SDHB: variants seen among roughly 807,000 people sequenced by gnomAD.
SDHB encodes the protein succinate dehydrogenase [ubiquinone] iron-sulfur subunit, mitochondrial.
SDHB carries 21 observed loss-of-function variants against 39.7 expected under a neutral mutation model. The observed-to-expected ratio is 0.53, with a 90% confidence interval of 0.37 to 0.76. The LOEUF is 0.76. Ranked by LOEUF, SDHB falls within the 30% of genes least tolerant of loss-of-function variation. SDHB has a pLI of 0.00. For synonymous variants in SDHB, 118 were observed against 117.0 expected (o/e 1.01, Z -0.06); for missense variants, 343 against 350.9 (o/e 0.98, Z 0.18).
chr1:17,040,305 C>A (rs534229267), intron 2 of SDHB, among the ~76,000 whole-genome samples: 5 of 152,240 alleles, frequency 3.3e-5, no homozygotes, highest in African/African-American at 1.2e-4. Flanking sequence ...TTTTATTTAC[C>A]TAGTTGGGGT....
intron 3 of SDHB, 126 bp downstream of exon 3, chr1:17,032,934 T>C (rs953087924): frequency 4.4e-5 from 33 of 755,318 alleles, no homozygotes; most frequent in Admixed American, 1.0e-4. Context: ...AGGAATTAGG[T>C]TGCACAGCAA....
At chr1:17,032,139 T>C (rs2078026865) in intron 3 of SDHB, among the ~76,000 whole-genome samples, 1 of 152,202 alleles carries the variant, frequency 6.6e-6, no homozygotes, top group Admixed American at 6.5e-5. Context: ...TAACTTGTTT[T>C]GCTTAAATTC....
At chr1:17,036,647 C>T (rs949331260) in intron 2 of SDHB, among the ~76,000 whole-genome samples, 11 of 147,280 alleles carry the variant, frequency 7.5e-5, no homozygotes, top group Non-Finnish European at 1.5e-5. Context: ...TACTTACAGG[C>T]TTTTTTCTAG....
chr1:17,043,223 A>T (rs1462622120), intron 2 of SDHB, among the ~76,000 whole-genome samples: 1 of 151,974 alleles, frequency 6.6e-6, no homozygotes, highest in Non-Finnish European at 1.5e-5. Context: ...GGCTTCCCAA[A>T]GTGCTGGGAT....
intron 2 of SDHB, among the ~76,000 whole-genome samples, chr1:17,034,427 G>A (rs532851759): frequency 6.6e-6 from 1 of 152,180 alleles, no homozygotes; most frequent in East Asian, 1.9e-4. Context: ...GGGATTATGG[G>A]TGTGAGGCAA....
At chr1:17,032,754 C>G (rs2078030283) in intron 3 of SDHB, 1 of 435,598 alleles carries the variant, frequency 2.3e-6, no homozygotes, top group Non-Finnish European at 4.3e-6. Context: ...AAGAGCTCAG[C>G]AGCATGGAAG....
intron 1 of SDHB, among the ~76,000 whole-genome samples, chr1:17,045,539 C>T (rs922044928): frequency 6.6e-6 from 1 of 151,980 alleles, no homozygotes; most frequent in Non-Finnish European, 1.5e-5. Context: ...GTTGAGGCTG[C>T]AGTGAGCCAA....
chr1:17,028,821 T>A (rs903709763), intron 3 of SDHB, 85 bp from the exon 4 acceptor site: 2 of 1,538,258 alleles, frequency 1.3e-6, no homozygotes, highest in African/African-American at 2.7e-5. Flanking sequence ...TCCTCCTTGC[T>A]GTGCCATCAG....
At chr1:17,031,107 ACTAGAAAAGAC>A (rs1439957968) in intron 3 of SDHB, among the ~76,000 whole-genome samples, 4 of 151,954 alleles carry the variant, frequency 2.6e-5, no homozygotes, top group Admixed American at 6.6e-5. Context: ...CTTTCATAAG[ACTAGAAAAGAC>A]AGTAAGACTC....
At chr1:17,048,189 A>C (rs911336251) in intron 1 of SDHB, among the ~76,000 whole-genome samples, 3 of 152,130 alleles carry the variant, frequency 2.0e-5, no homozygotes, top group Non-Finnish European at 4.4e-5. Context: ...TCTGTTCTCT[A>C]CTTCTCAAAT....
intron 1 of SDHB, among the ~76,000 whole-genome samples, chr1:17,049,177 G>C (rs568057543): frequency 1.3e-5 from 2 of 152,244 alleles, no homozygotes; most frequent in African/African-American, 4.8e-5. Context: ...TTTTTGTAGA[G>C]ACAGGGTCTT....
At chr1:17,020,569 T>TA (rs1291659211) in intron 7 of SDHB, among the ~76,000 whole-genome samples, 7 of 152,148 alleles carry the variant, frequency 4.6e-5, no homozygotes, top group Admixed American at 6.5e-5. Flanking sequence ...GAATGCACCT[T>TA]AGAGTCACTC....
intron 7 of SDHB, among the ~76,000 whole-genome samples, chr1:17,021,056 G>A (rs773341746): frequency 4.2e-4 from 64 of 152,316 alleles, no homozygotes; most frequent in African/African-American, 1.2e-3. Flanking sequence ...GAGGGCAGCC[G>A]TGTTCTGAAC....
chr1:17,031,059 G>C (rs1018881603), intron 3 of SDHB, among the ~76,000 whole-genome samples: 1 of 151,140 alleles, frequency 6.6e-6, no homozygotes, highest in Non-Finnish European at 1.5e-5. Flanking sequence ...AAAGTACTGG[G>C]ATCACAGGCG....
intron 2 of SDHB, among the ~76,000 whole-genome samples, chr1:17,043,106 C>T (rs980852176): frequency 2.1e-4 from 32 of 151,820 alleles, no homozygotes; most frequent in African/African-American, 6.8e-4. Flanking sequence ...GGATCACAGG[C>T]ACCTGCCACA....
At chr1:17,020,000 T>C (rs1441496701) in intron 7 of SDHB, among the ~76,000 whole-genome samples, 2 of 152,152 alleles carry the variant, frequency 1.3e-5, no homozygotes, top group African/African-American at 4.8e-5. Context: ...CTCCAAAATA[T>C]AGTGGGTGAA....
At chr1:17,038,576 T>G (rs2078062337) in intron 2 of SDHB, among the ~76,000 whole-genome samples, 1 of 152,248 alleles carries the variant, frequency 6.6e-6, no homozygotes, top group African/African-American at 2.4e-5. Flanking sequence ...TTTCATGGAC[T>G]GGCTAGAACC....
At chr1:17,020,846 G>T (rs1304178124) in intron 7 of SDHB, among the ~76,000 whole-genome samples, 1 of 152,224 alleles carries the variant, frequency 6.6e-6, no homozygotes, top group African/African-American at 2.4e-5. Flanking sequence ...GCTGAAGCCT[G>T]TGGGCTCCCC....
rs11203289 is a variant in SDHB, at chr1:17,054,012, G to C, written c.8C>G (p.Ala3Gly). Residue 3 changes from alanine to glycine, a missense_variant, in exon 1 of 8, where the codon GCG becomes GGG. Coordinates refer to ENST00000375499, the MANE Select transcript of SDHB (RefSeq NM_003000.3). MA[A>G]VVALSLRRRL... ...GCGCCTCAAGGAGAGGGCGACCACC[G>C]CCGCCATCTTGGCTCCTGACGTCAG... 2.2e-3 allele frequency: 3,562 copies of C among 1,610,234 alleles called. 63 individuals carry two copies. The African/African-American group carries it at 0.042, about 19-fold the overall frequency.
Sources: gnomAD v4.1 joint callset for allele counts (sites outside exome capture counted in the v4.1 genomes callset) on GRCh38, gnomAD v4.1.1 for gene constraint, MANE v1.5 for transcripts, NCBI Gene and HGNC (gene_info 2026-07-23, HGNC 2026-07-21) for gene names.